The following METTL15 variants were observed in gnomAD, a reference collection of about 807,000 sequenced individuals.
METTL15 encodes 12S rRNA N(4)-cytidine methyltransferase METTL15.
In METTL15, 34 loss-of-function variants were observed where a neutral mutation model predicts 38.3. The observed-to-expected ratio is 0.89, with a 90% confidence interval of 0.68 to 1.18. The LOEUF (loss-of-function observed/expected upper bound fraction) is 1.18, where lower values mean the gene tolerates loss of function less well. Ranked by LOEUF, METTL15 falls within the 50% of genes most tolerant of loss-of-function variation. METTL15 has a pLI of 0.00. For missense variants in METTL15, 438 were observed against 498.4 expected (o/e 0.88, Z 1.15); for synonymous variants, 162 against 170.9 (o/e 0.95, Z 0.41).
intron 4 of METTL15, 30 bp downstream of exon 4, chr11:28,211,228 T>A (rs772769469): frequency 6.3e-7 from 1 of 1,585,826 alleles, no homozygotes; most frequent in East Asian, 2.3e-5. Context: ...ATTTATTTGA[T>A]TTTGGTTCTT....
intron 3 of METTL15, among the ~76,000 whole-genome samples, chr11:28,157,954 CT>C (rs1381471164): frequency 6.6e-6 from 1 of 152,180 alleles, no homozygotes; most frequent in Non-Finnish European, 1.5e-5. Flanking sequence ...TAGGACACCC[CT>C]GAAGGACGGC....
At chr11:28,174,625 G>A (rs1246350552) in intron 3 of METTL15, among the ~76,000 whole-genome samples, 3 of 151,192 alleles carry the variant, frequency 2.0e-5, no homozygotes, top group African/African-American at 4.9e-5. Flanking sequence ...CCATCCTGGC[G>A]AACACGGTGA....
At position 28,285,458 on chromosome 11, in the gene METTL15, C is replaced by G. The variant is rs188599943; in HGVS notation, c.408-4748C>G. ...TTCGTCTTCCAGTGGCCCAGGGAAG[C>G]CAAAAGATTGGACACCCCTGCTTTG... On this transcript the variant is annotated intron_variant, in intron 4 of 6. Coordinates refer to ENST00000407364, the MANE Select transcript of METTL15 (RefSeq NM_001113528.2). Among the ~76,000 whole-genome samples the G allele has an allele frequency of 1.2e-4, 18 of 151,656 alleles. 1 individual carries two copies. The highest frequency in any genetic ancestry group is 2.5e-4 in the Non-Finnish European group (17 of 67,920).
intron 6 of METTL15, among the ~76,000 whole-genome samples, chr11:28,515,961 AT>A (rs2133505908): frequency 6.6e-6 from 1 of 152,354 alleles, no homozygotes; most frequent in Admixed American, 6.5e-5. Context: ...ATAGACAGCT[AT>A]CTGTTTCTGT....
At chr11:28,242,402 T>G (rs7129397) in intron 4 of METTL15, among the ~76,000 whole-genome samples, 11,582 of 152,220 alleles carry the variant, frequency 0.076, 826 homozygotes, top group East Asian at 0.36. Context: ...GCATGGTTAG[T>G]ATGCAAAAAT....
chr11:28,360,316 G>A (rs980976354), intron 4 of METTL15, among the ~76,000 whole-genome samples: 8 of 152,130 alleles, frequency 5.3e-5, no homozygotes, highest in African/African-American at 1.4e-4. Flanking sequence ...TCCACTCCCC[G>A]GCCATGGCCA....
chr11:28,260,392 A>T (rs963592036), intron 4 of METTL15, among the ~76,000 whole-genome samples: 3 of 152,054 alleles, frequency 2.0e-5, no homozygotes, highest in Non-Finnish European at 4.4e-5. Context: ...ACCATATTTT[A>T]TGTTCTCTAT....
chr11:28,324,732 T>G (rs1277126492), intron 6 of METTL15, among the ~76,000 whole-genome samples: 1 of 152,194 alleles, frequency 6.6e-6, no homozygotes, highest in African/African-American at 2.4e-5. Flanking sequence ...AGTCACTTAT[T>G]GATATGACCG....
At chr11:28,387,722 A>G (rs1334836215) in intron 5 of METTL15, among the ~76,000 whole-genome samples, 2 of 152,118 alleles carry the variant, frequency 1.3e-5, no homozygotes, top group Non-Finnish European at 2.9e-5. Context: ...TGATACCAGA[A>G]TCAGACAAAG....
chr11:28,457,877 A>G (rs1297920787), intron 6 of METTL15, among the ~76,000 whole-genome samples: 1 of 152,186 alleles, frequency 6.6e-6, no homozygotes, highest in African/African-American at 2.4e-5. Flanking sequence ...AAGGATTTGT[A>G]CTTAGACCTA....
intron 3 of METTL15, chr11:28,163,646 T>C (rs1850553122): frequency 5.1e-6 from 2 of 392,274 alleles, no homozygotes; most frequent in Admixed American, 4.4e-5. Flanking sequence ...TATTTAATTT[T>C]CCCCCAGAAT....
chr11:28,249,096 A>G (rs1854631781), intron 4 of METTL15, among the ~76,000 whole-genome samples: 1 of 152,018 alleles, frequency 6.6e-6, no homozygotes, highest in African/African-American at 2.4e-5. Flanking sequence ...TAAGTGAGAC[A>G]ATATGAGGTA....
chr11:28,225,614 A>T (rs1004866113), intron 4 of METTL15, among the ~76,000 whole-genome samples: 1 of 150,704 alleles, frequency 6.6e-6, no homozygotes, highest in Non-Finnish European at 1.5e-5. Flanking sequence ...CCCTGGCTGG[A>T]TGCTTATTCG....
chr11:28,375,708 G>C (rs958994043), intron 5 of METTL15, among the ~76,000 whole-genome samples: 38 of 151,986 alleles, frequency 2.5e-4, no homozygotes, highest in African/African-American at 9.2e-4. Flanking sequence ...CCTTCTGCTA[G>C]CTTTTGAATG....
chr11:28,430,297 G>A (rs1487049963), intron 6 of METTL15, among the ~76,000 whole-genome samples: 18 of 137,600 alleles, frequency 1.3e-4, no homozygotes, highest in Admixed American at 3.6e-4. Context: ...CCCCCCGCCC[G>A]GCCAGCCGTG....
At chr11:28,420,250 A>C (rs1235230621) in intron 5 of METTL15, among the ~76,000 whole-genome samples, 2 of 152,180 alleles carry the variant, frequency 1.3e-5, no homozygotes, top group Non-Finnish European at 2.9e-5. Flanking sequence ...AGAGAGAGCT[A>C]TACTCCCAAT....
intron 3 of METTL15, among the ~76,000 whole-genome samples, chr11:28,201,610 G>GGTGTGTGTGT (rs71050951): frequency 6.9e-5 from 10 of 145,648 alleles, no homozygotes; most frequent in South Asian, 2.2e-4. Flanking sequence ...GTCTTGGGAG[G>GGTGTGTGTGT]GTGTGTGTGT....
intron 6 of METTL15, among the ~76,000 whole-genome samples, chr11:28,480,748 C>T (rs1026699452): frequency 3.3e-5 from 5 of 152,142 alleles, no homozygotes; most frequent in Admixed American, 3.3e-4. Context: ...GTAAGCTATT[C>T]GTAATTCTCA....
chr11:28,273,325 G>A (rs779074392), intron 4 of METTL15, among the ~76,000 whole-genome samples: 7 of 152,038 alleles, frequency 4.6e-5, no homozygotes, highest in African/African-American at 1.2e-4. Flanking sequence ...TTATGTAATG[G>A]TATTCATATA....
Sources: allele counts gnomAD v4.1 joint callset (sites outside exome capture counted in the v4.1 genomes callset), GRCh38; gene constraint gnomAD v4.1.1; transcripts MANE v1.5; gene names NCBI Gene and HGNC (gene_info 2026-07-23, HGNC 2026-07-21).